SPAG16: variants seen among roughly 807,000 people sequenced by gnomAD.
SPAG16 encodes sperm-associated antigen 16 protein.
Under a neutral mutation model 80.4 loss-of-function variants are expected in SPAG16, and 86 were observed. The observed-to-expected ratio is 1.07, with a 90% CI of 0.90 to 1.28. SPAG16 has a LOEUF of 1.28. Among genes scored for constraint, SPAG16 ranks in the 50% most tolerant of loss-of-function variants. The pLI, the probability that SPAG16 is intolerant of heterozygous loss-of-function variation, is 0.00. For synonymous variants in SPAG16, 294 were observed against 265.9 expected (o/e 1.11, Z -1.03); for missense variants, 870 against 765.3 (o/e 1.14, Z -1.61).
At chr2:213,457,083 T>C (rs2072065871) in intron 9 of SPAG16, among the ~76,000 whole-genome samples, 1 of 152,230 alleles carries the variant, frequency 6.6e-6, no homozygotes, top group Non-Finnish European at 1.5e-5. Flanking sequence ...ACTTTTCTTT[T>C]GGCCTTTTCT....
chr2:213,701,996 C>A (rs2065451659), intron 10 of SPAG16, among the ~76,000 whole-genome samples: 1 of 152,164 alleles, frequency 6.6e-6, no homozygotes, highest in Admixed American at 6.5e-5. Flanking sequence ...CACCAATCAG[C>A]ACTTTGTGTC....
At chr2:213,351,343 A>C (rs1450488666) in intron 7 of SPAG16, among the ~76,000 whole-genome samples, 2 of 152,180 alleles carry the variant, frequency 1.3e-5, no homozygotes, top group Non-Finnish European at 2.9e-5. Context: ...ATGTAGCTGC[A>C]AAGACCAAAG....
intron 10 of SPAG16, among the ~76,000 whole-genome samples, chr2:213,808,201 G>A (rs1199936305): frequency 6.6e-6 from 1 of 152,144 alleles, no homozygotes. Flanking sequence ...CTGAGCACTT[G>A]TTTGCAGGTA....
intron 12 of SPAG16, among the ~76,000 whole-genome samples, chr2:213,989,632 T>C (rs769529995): frequency 6.6e-6 from 1 of 152,154 alleles, no homozygotes; most frequent in East Asian, 1.9e-4. Flanking sequence ...ATATGACTTC[T>C]AGTGGAAACA....
At chr2:213,715,222 G>GTCTATCTATCTA (rs1553615157) in intron 10 of SPAG16, among the ~76,000 whole-genome samples, 7,355 of 110,498 alleles carry the variant, frequency 0.067, 222 homozygotes, top group East Asian at 0.095. Context: ...AGATCTATCT[G>GTCTATCTATCTA]TCTATCTATC....
intron 10 of SPAG16, among the ~76,000 whole-genome samples, chr2:213,797,305 G>A (rs1047573376): frequency 2.0e-5 from 3 of 152,162 alleles, no homozygotes; most frequent in Non-Finnish European, 4.4e-5. Flanking sequence ...GTAATGTACA[G>A]TAGTGTCCTA....
intron 14 of SPAG16, among the ~76,000 whole-genome samples, chr2:214,131,200 C>G (rs909225062): frequency 2.6e-5 from 4 of 151,690 alleles, no homozygotes; most frequent in African/African-American, 9.7e-5. Context: ...ACAGCGAGAC[C>G]CCATCTCTAC....
chr2:214,230,556 T>C (rs1180916993), intron 15 of SPAG16, among the ~76,000 whole-genome samples: 2 of 152,048 alleles, frequency 1.3e-5, no homozygotes, highest in African/African-American at 4.8e-5. Context: ...AATTAGTTCA[T>C]AAATAATTGG....
At chr2:213,564,080 G>A (rs1348224765) in intron 10 of SPAG16, among the ~76,000 whole-genome samples, 1 of 152,130 alleles carries the variant, frequency 6.6e-6, no homozygotes, top group Non-Finnish European at 1.5e-5. Context: ...CCTCGGGTTA[G>A]GTTAATCTAT....
intron 10 of SPAG16, among the ~76,000 whole-genome samples, chr2:213,779,024 G>T (rs1297137133): frequency 6.6e-6 from 1 of 152,116 alleles, no homozygotes; most frequent in African/African-American, 2.4e-5. Context: ...ATTGCCTTGA[G>T]TGAAGTTACT....
intron 10 of SPAG16, among the ~76,000 whole-genome samples, chr2:213,795,919 A>C (rs1181910452): frequency 6.6e-6 from 1 of 152,204 alleles, no homozygotes; most frequent in African/African-American, 2.4e-5. Context: ...GATAGCCTCT[A>C]TTCATTATAA....
At chr2:213,625,777 A>G (rs2061939982) in intron 10 of SPAG16, among the ~76,000 whole-genome samples, 1 of 151,856 alleles carries the variant, frequency 6.6e-6, no homozygotes, top group African/African-American at 2.4e-5. Flanking sequence ...TCCACCTCCT[A>G]GGTGAGTTCG....
At position 213,745,075 on chromosome 2, in the gene SPAG16, G is replaced by A. The variant is rs191106945; in HGVS notation, c.1071-117410G>A. On this transcript the variant is annotated intron_variant, in intron 10 of 15. Coordinates refer to ENST00000331683, the MANE Select transcript of SPAG16 (RefSeq NM_024532.5). ...TTTTCCAAAACTGTTATGGTTTCAC[G>A]TTTTCAACTTCTATTTGTGAATTAG... Among the ~76,000 whole-genome samples the A allele has an allele frequency of 7.2e-5, 11 of 152,048 alleles. No homozygotes were observed. In the East Asian group the frequency reaches 1.7e-3, roughly 24 times the overall value.
intron 5 of SPAG16, among the ~76,000 whole-genome samples, chr2:213,335,411 A>G (rs1047172225): frequency 5.3e-5 from 8 of 152,228 alleles, no homozygotes; most frequent in Non-Finnish European, 1.0e-4. Context: ...TTACACTAAA[A>G]AATACACTAT....
In SPAG16 at chr2:214,386,633, A is replaced by AGAT. The variant is rs775728735; in HGVS notation, c.1721-23506_1721-23504dup. Among the ~76,000 whole-genome samples the AGAT allele has an allele frequency of 1.0e-3, 159 of 152,138 alleles. 1 individual carries two copies. Among genetic ancestry groups the AGAT allele is most frequent in the Admixed American group, 1.3e-3 (20 of 15,290 alleles). On this transcript the variant is annotated intron_variant, in intron 15 of 15. Transcript: ENST00000331683. ...TCCCAGTACTTTGGGAGGCTGCGGC[A>AGAT]GATAGAGCACTTGAGCTCAATAATT...
chr2:213,570,019 G>T (rs1344267136), intron 10 of SPAG16, among the ~76,000 whole-genome samples: 1 of 92,338 alleles, frequency 1.1e-5, no homozygotes, highest in African/African-American at 5.9e-5. Flanking sequence ...TAGTTTATTT[G>T]CGTAGAGGTG....
intron 9 of SPAG16, among the ~76,000 whole-genome samples, chr2:213,411,942 G>A (rs2068992014): frequency 2.0e-5 from 3 of 152,096 alleles, no homozygotes; most frequent in African/African-American, 7.2e-5. Context: ...AGAATACAAG[G>A]GGAAGGATTG....
At chr2:213,406,078 G>A (rs1271127999) in intron 9 of SPAG16, among the ~76,000 whole-genome samples, 1 of 152,212 alleles carries the variant, frequency 6.6e-6, no homozygotes, top group Non-Finnish European at 1.5e-5. Context: ...TAAGCTGATA[G>A]TGGCAAAGGC....
chr2:213,704,495 A>T (rs1361221376), intron 10 of SPAG16, among the ~76,000 whole-genome samples: 2 of 152,166 alleles, frequency 1.3e-5, no homozygotes, highest in Non-Finnish European at 2.9e-5. Flanking sequence ...CTGTCTCTCA[A>T]AGAGATCTGT....
Sources: allele counts gnomAD v4.1 joint callset (sites outside exome capture counted in the v4.1 genomes callset), GRCh38; gene constraint gnomAD v4.1.1; transcripts MANE v1.5; gene names NCBI Gene and HGNC (gene_info 2026-07-23, HGNC 2026-07-21).